Variants in STX12 observed in about 807,000 individuals in gnomAD.
STX12 encodes syntaxin-12.
STX12 carries 17 observed loss-of-function variants against 42.2 expected under a neutral mutation model. The observed-to-expected ratio is 0.40, with a 90% confidence interval of 0.28 to 0.60. STX12 has a LOEUF of 0.60. Among genes scored for constraint, STX12 ranks in the 20% least tolerant of loss-of-function variants. The pLI, the probability that STX12 is intolerant of heterozygous loss-of-function variation, is 0.39. For missense variants in STX12, 297 were observed against 330.9 expected, an observed-to-expected ratio of 0.90 and a Z score of 0.79; for synonymous variants, 108 against 116.7, an observed-to-expected ratio of 0.93 and a Z score of 0.48.
intron 1 of STX12, among the ~76,000 whole-genome samples, chr1:27,788,851 A>G (rs1380348675): frequency 6.6e-6 from 1 of 152,104 alleles, no homozygotes; most frequent in African/African-American, 2.4e-5. Flanking sequence ...CTCTACTAAT[A>G]ATACAAAAAA....
At chr1:27,804,747 A>G (rs1478524232) in intron 4 of STX12, among the ~76,000 whole-genome samples, 1 of 150,388 alleles carries the variant, frequency 6.6e-6, no homozygotes, top group Admixed American at 6.7e-5. Context: ...GGAGGCGGAG[A>G]TTGCCATGAG....
chr1:27,816,337 G>A (rs1452406147), intron 6 of STX12, among the ~76,000 whole-genome samples: 7 of 151,800 alleles, frequency 4.6e-5, no homozygotes, highest in Admixed American at 4.6e-4. Context: ...AGCCGGGCGT[G>A]GTGGTGCACG....
In STX12 at chr1:27,782,211, C is replaced by G. The variant is rs555538911; in HGVS notation, c.119-7351C>G. On this transcript the variant is annotated intron_variant, in intron 1 of 8. Transcript: ENST00000373943. ...CAACCTTGAACTCAAGGGATCCCCCCACCTCCACCTTCCGAGTAGCTAGGA... is the reference window on the plus strand; with the variant it reads ...CAACCTTGAACTCAAGGGATCCCCCGACCTCCACCTTCCGAGTAGCTAGGA... Among the ~76,000 whole-genome samples, 10 of 152,246 alleles carry G rather than the reference C, an allele frequency of 6.6e-5. No homozygotes were observed. The South Asian group carries it at 2.1e-3, about 32-fold the overall frequency.
intron 3 of STX12, among the ~76,000 whole-genome samples, chr1:27,796,729 T>C (rs1225527938): frequency 7.0e-6 from 1 of 143,668 alleles, no homozygotes; most frequent in Admixed American, 7.2e-5. Flanking sequence ...TGGGACAGAG[T>C]TTCGCTCTTG....
intron 3 of STX12, among the ~76,000 whole-genome samples, chr1:27,800,347 A>G (rs1034165333): frequency 5.9e-5 from 9 of 152,120 alleles, no homozygotes; most frequent in Non-Finnish European, 1.5e-5. Context: ...CTCCTGTAGT[A>G]CCAATTGGAT....
rs185423126 is a variant in STX12 at position 27,807,005 on chromosome 1, C to T, written c.427-3241C>T. Among the ~76,000 whole-genome samples, 182 of 152,168 alleles carry T rather than the reference C, an allele frequency of 1.2e-3. 2 individuals are homozygous for T. The highest frequency in any genetic ancestry group is 4.2e-3 in the African/African-American group (174 of 41,502). On this transcript the variant is annotated intron_variant, in intron 4 of 8. Coordinates refer to ENST00000373943, the MANE Select transcript of STX12 (RefSeq NM_177424.3). ...CGCACGTTGGGATTACAATTCGAGA[C>T]GAGATTTGAGTGGGGACATAGAGCC...
chr1:27,816,263 G>A (rs942934987), intron 6 of STX12, among the ~76,000 whole-genome samples: 8 of 152,004 alleles, frequency 5.3e-5, no homozygotes, highest in South Asian at 2.1e-4. Context: ...GCAGTGAGCC[G>A]AGATTGCACC....
At position 27,782,857 on chromosome 1, in the gene STX12, A is replaced by T. The variant is rs571992256; in HGVS notation, c.119-6705A>T. On this transcript the variant is annotated intron_variant, in intron 1 of 8. Coordinates refer to ENST00000373943, the MANE Select transcript of STX12 (RefSeq NM_177424.3). ...GTCTCAAAAAAATGAAACATTTTTTAAAAAAGGTAATTTTCATTGTAGTGA... is the reference window on the plus strand; with the variant it reads ...GTCTCAAAAAAATGAAACATTTTTTTAAAAAGGTAATTTTCATTGTAGTGA... 1.7e-3 allele frequency among the ~76,000 whole-genome samples: 253 copies of T among 152,334 alleles called. 1 individual carries two copies. The highest frequency in any genetic ancestry group is 5.8e-3 in the African/African-American group (242 of 41,586).
intron 4 of STX12, among the ~76,000 whole-genome samples, chr1:27,803,992 T>C (rs1429589657): frequency 6.7e-6 from 1 of 150,334 alleles, no homozygotes; most frequent in Non-Finnish European, 1.5e-5. Context: ...CACAACAAGA[T>C]TGTATCTCAA....
intron 1 of STX12, among the ~76,000 whole-genome samples, chr1:27,775,360 C>T (rs2088622103): frequency 6.6e-6 from 1 of 152,180 alleles, no homozygotes; most frequent in African/African-American, 2.4e-5. Context: ...CAGCCTCAAC[C>T]TCCCTGGCTC....
chr1:27,800,151 A>C (rs1557803304), intron 3 of STX12, among the ~76,000 whole-genome samples: 1 of 152,202 alleles, frequency 6.6e-6, no homozygotes, highest in Non-Finnish European at 1.5e-5. Flanking sequence ...AGTTCCAACC[A>C]AACAGTCTGT....
At chr1:27,798,065 A>G (rs2088798783) in intron 3 of STX12, among the ~76,000 whole-genome samples, 4 of 152,354 alleles carry the variant, frequency 2.6e-5, no homozygotes, top group Admixed American at 2.0e-4. Flanking sequence ...GTCATTGTAT[A>G]GATAAATGAA....
intron 6 of STX12, among the ~76,000 whole-genome samples, chr1:27,813,437 A>G (rs904175035): frequency 1.3e-5 from 2 of 152,276 alleles, no homozygotes; most frequent in Admixed American, 1.3e-4. Context: ...CAGCCTCCCA[A>G]AGTGCTGGGA....
chr1:27,782,331 C>G (rs2088673019), intron 1 of STX12, among the ~76,000 whole-genome samples: 1 of 152,130 alleles, frequency 6.6e-6, no homozygotes, highest in South Asian at 2.1e-4. Flanking sequence ...CTCCTGGGTT[C>G]AAGTGATCCT....
intron 4 of STX12, among the ~76,000 whole-genome samples, chr1:27,804,462 TAAAAA>T (rs1048197774): frequency 7.1e-6 from 1 of 141,728 alleles, no homozygotes; most frequent in Non-Finnish European, 1.5e-5. Context: ...TCTTGAATCT[TAAAAA>T]AAAAAAAAAT....
At chr1:27,793,894 T>C (rs890860917) in intron 3 of STX12, among the ~76,000 whole-genome samples, 1 of 152,056 alleles carries the variant, frequency 6.6e-6, no homozygotes, top group Non-Finnish European at 1.5e-5. Context: ...ATTATTAATA[T>C]ATTAATAAAA....
chr1:27,778,653 C>T (rs2088643601), intron 1 of STX12, among the ~76,000 whole-genome samples: 1 of 150,962 alleles, frequency 6.6e-6, no homozygotes, highest in Non-Finnish European at 1.5e-5. Context: ...ACCAAGATCG[C>T]TCCACTGCAC....
intron 3 of STX12, among the ~76,000 whole-genome samples, chr1:27,798,685 C>G (rs2088804093): frequency 7.0e-6 from 1 of 142,162 alleles, no homozygotes; most frequent in Non-Finnish European, 1.5e-5. Context: ...GCACTGCAGC[C>G]TGGGTGACAG....
chr1:27,809,649 G>A (rs1392483681), intron 4 of STX12, among the ~76,000 whole-genome samples: 2 of 151,606 alleles, frequency 1.3e-5, no homozygotes, highest in Non-Finnish European at 2.9e-5. Flanking sequence ...TAGTAGAGAC[G>A]GGGTTTCACC....
Sources: gnomAD v4.1 joint callset for allele counts (sites outside exome capture counted in the v4.1 genomes callset) on GRCh38, gnomAD v4.1.1 for gene constraint, MANE v1.5 for transcripts, NCBI Gene and HGNC (gene_info 2026-07-23, HGNC 2026-07-21) for gene names.